The following MORC1 variants were observed in gnomAD, a reference collection of about 807,000 sequenced individuals.
The protein encoded by MORC1 is MORC family CW-type zinc finger protein 1.
MORC1 carries 59 observed loss-of-function variants against 134.9 expected under a neutral mutation model. The observed-to-expected ratio is 0.44, with a 90% CI of 0.35 to 0.54. The LOEUF is 0.54. Ranked by LOEUF, MORC1 falls within the 20% of genes least tolerant of loss-of-function variation. The probability of loss-of-function intolerance (pLI) is 0.00; values close to 1 mark genes in which losing one functional copy is unlikely to be tolerated. For missense variants in MORC1, 947 were observed against 1,134.5 expected (o/e 0.83, Z 2.37); for synonymous variants, 395 against 391.7 (o/e 1.01, Z -0.10).
Position 109,103,920 on chromosome 3 carries a change from G to A in MORC1, c.155-3C>T. The A allele has an allele frequency of 6.2e-7, 1 of 1,612,410 alleles. No individual in the cohort carries two copies. The highest frequency in any genetic ancestry group is 8.5e-7 in the Non-Finnish European group (1 of 1,178,538). ...CCCCTGCAGTTTTTCATTATCCACT[G>A]TAAGAGAAAGCAGTTATTACTAATA... On this transcript the variant is annotated splice_polypyrimidine_tract_variant and splice_region_variant and intron_variant, in intron 3 of 27. Transcript: ENST00000232603.
intron 14 of MORC1, among the ~76,000 whole-genome samples, chr3:109,040,251 A>C (rs991536768): frequency 8.6e-5 from 13 of 151,452 alleles, no homozygotes; most frequent in African/African-American, 3.2e-4. Context: ...GCACATTCCA[A>C]GCAAAAGAAT....
chr3:109,058,172 A>T (rs1049973048), intron 12 of MORC1, among the ~76,000 whole-genome samples: 2 of 152,200 alleles, frequency 1.3e-5, no homozygotes, highest in Non-Finnish European at 2.9e-5. Context: ...GGAAGCTATG[A>T]AAATGCCTGG....
At chr3:108,960,643 C>A (rs1654120852) in intron 27 of MORC1, among the ~76,000 whole-genome samples, 1 of 152,110 alleles carries the variant, frequency 6.6e-6, no homozygotes, top group South Asian at 2.1e-4. Flanking sequence ...AAAGCTTTCA[C>A]AGAAAAATGC....
At chr3:109,085,318 A>C (rs1035409312) in intron 8 of MORC1, among the ~76,000 whole-genome samples, 2 of 152,190 alleles carry the variant, frequency 1.3e-5, no homozygotes, top group Non-Finnish European at 2.9e-5. Context: ...CAAAGTGATG[A>C]GACAACCTGC....
chr3:108,971,910 A>AATTTCTT (rs1225038926), intron 24 of MORC1, among the ~76,000 whole-genome samples: 3 of 152,198 alleles, frequency 2.0e-5, no homozygotes, highest in Non-Finnish European at 2.9e-5. Context: ...ATCCATGAAC[A>AATTTCTT]ACCAGTCCAG....
chr3:109,027,263 T>C (rs1366147067), intron 17 of MORC1, among the ~76,000 whole-genome samples: 1 of 152,248 alleles, frequency 6.6e-6, no homozygotes, highest in Non-Finnish European at 1.5e-5. Flanking sequence ...CCTATGTTGA[T>C]TGATAGTAAT....
At chr3:108,974,370 T>TA (rs756906663) in intron 24 of MORC1, among the ~76,000 whole-genome samples, 2 of 152,198 alleles carry the variant, frequency 1.3e-5, no homozygotes, top group Non-Finnish European at 2.9e-5. Flanking sequence ...CTTTAAAAAT[T>TA]ACTTCAGTTT....
intron 14 of MORC1, among the ~76,000 whole-genome samples, chr3:109,052,818 G>GT (rs1949859409): frequency 6.6e-6 from 1 of 151,984 alleles, no homozygotes. Context: ...TTAAAAGTAA[G>GT]TTTATTTACA....
At chr3:109,005,464 G>A (rs1489388813) in intron 18 of MORC1, 149 bp from the exon 19 acceptor site, 1 of 689,618 alleles carries the variant, frequency 1.5e-6, no homozygotes, top group Non-Finnish European at 2.2e-6. Flanking sequence ...CTTTAATAAT[G>A]TATAATGCCA....
At chr3:108,978,824 C>T (rs1947634125) in intron 24 of MORC1, among the ~76,000 whole-genome samples, 1 of 152,152 alleles carries the variant, frequency 6.6e-6, no homozygotes, top group African/African-American at 2.4e-5. Flanking sequence ...ACACAAGACC[C>T]TTAAAACCCA....
At chr3:109,010,237 T>G (rs557797048) in intron 17 of MORC1, among the ~76,000 whole-genome samples, 2 of 152,202 alleles carry the variant, frequency 1.3e-5, no homozygotes, top group South Asian at 4.1e-4. Flanking sequence ...TAGGTAATAG[T>G]TGGTGACCTT....
chr3:109,060,587 C>T lies in MORC1; in HGVS notation c.967-717G>A, dbSNP rs76964709. ...TGTATGGCATACTACTGAATGAACA[C>T]TATTTTCACTGAATTTCAAGTAAAA... is the stretch of plus-strand genomic sequence containing the variant. On this transcript the variant is annotated intron_variant, in intron 11 of 27. Coordinates refer to ENST00000232603, the MANE Select transcript of MORC1 (RefSeq NM_014429.4). Among the ~76,000 whole-genome samples, 779 of 152,172 alleles carry T rather than the reference C, an allele frequency of 5.1e-3. 18 individuals are homozygous for T. The highest frequency in any genetic ancestry group is 0.018 in the African/African-American group (748 of 41,500).
chr3:108,977,453 G>A (rs958201842), intron 24 of MORC1, among the ~76,000 whole-genome samples: 1 of 152,060 alleles, frequency 6.6e-6, no homozygotes, highest in Non-Finnish European at 1.5e-5. Context: ...GCTTGTTCAA[G>A]CAATCCTCCC....
chr3:109,036,576 T>C (rs935470357), intron 14 of MORC1, among the ~76,000 whole-genome samples: 3 of 152,212 alleles, frequency 2.0e-5, no homozygotes, highest in Non-Finnish European at 2.9e-5. Flanking sequence ...CTAACCATGG[T>C]ACCAGCCTTA....
At chr3:109,032,891 G>T in intron 15 of MORC1, 66 bp from the exon 16 acceptor site, 1 of 1,020,992 alleles carries the variant, frequency 9.8e-7, no homozygotes, top group Non-Finnish European at 1.5e-6. Context: ...TAAGATGTCA[G>T]TTTGCACATA....
At chr3:109,019,755 C>A (rs1454360563) in intron 17 of MORC1, among the ~76,000 whole-genome samples, 1 of 152,152 alleles carries the variant, frequency 6.6e-6, no homozygotes, top group African/African-American at 2.4e-5. Flanking sequence ...CTGATAGAGG[C>A]ACATTCTAAG....
chr3:108,961,366 C>T (rs1947074984), intron 27 of MORC1, among the ~76,000 whole-genome samples: 2 of 152,178 alleles, frequency 1.3e-5, no homozygotes, highest in African/African-American at 2.4e-5. Context: ...TCCAAATATT[C>T]GCTGACCCTG....
At chr3:109,059,931 GA>G (rs1276798615) in intron 11 of MORC1, 61 bp from the exon 12 acceptor site, 70 of 1,381,846 alleles carry the variant, frequency 5.1e-5, no homozygotes, top group Middle Eastern at 1.8e-4. Flanking sequence ...AAAGCAAGTT[GA>G]TATTATCCTA....
intron 14 of MORC1, among the ~76,000 whole-genome samples, chr3:109,038,004 T>C (rs1949419509): frequency 6.6e-6 from 1 of 152,210 alleles, no homozygotes; most frequent in Admixed American, 6.5e-5. Flanking sequence ...CCTAGATCCT[T>C]GAGGAATTGC....
Sources: gnomAD v4.1 joint callset for allele counts (sites outside exome capture counted in the v4.1 genomes callset) on GRCh38, gnomAD v4.1.1 for gene constraint, MANE v1.5 for transcripts, NCBI Gene and HGNC (gene_info 2026-07-23, HGNC 2026-07-21) for gene names.